Variants in CPNE5 observed in about 807,000 individuals in gnomAD.
CPNE5 encodes the protein copine 5.
A neutral mutation model predicts 81.1 loss-of-function variants in CPNE5; 42 were observed. The observed-to-expected ratio is 0.52, with a 90% CI of 0.40 to 0.67. The LOEUF (loss-of-function observed/expected upper bound fraction) is 0.67. CPNE5 is among the 30% of genes least tolerant of loss of function. CPNE5 has a pLI of 0.00. For missense variants in CPNE5, 612 were observed against 815.5 expected (o/e 0.75, Z 3.04); for synonymous variants, 313 against 321.5 (o/e 0.97, Z 0.28).
chr6:36,772,446 G>T (rs925812356), intron 10 of CPNE5, among the ~76,000 whole-genome samples: 1 of 152,196 alleles, frequency 6.6e-6, no homozygotes, highest in Non-Finnish European at 1.5e-5. Context: ...TTGTTTGACT[G>T]CAGCGCTAAG....
chr6:36,814,107 T>C (rs1262679430), intron 3 of CPNE5, among the ~76,000 whole-genome samples: 1 of 152,196 alleles, frequency 6.6e-6, no homozygotes, highest in African/African-American at 2.4e-5. Context: ...ACAAATGCAT[T>C]TGACTGTTAT....
chr6:36,743,063 A>G (rs1400352289), intron 20 of CPNE5: 21 of 985,076 alleles, frequency 2.1e-5, no homozygotes, highest in Non-Finnish European at 2.4e-5. Flanking sequence ...CCAGCCCCCT[A>G]TGTTTGGTCT....
intron 3 of CPNE5, among the ~76,000 whole-genome samples, chr6:36,806,261 T>C (rs570462799): frequency 2.0e-5 from 3 of 152,286 alleles, no homozygotes; most frequent in African/African-American, 4.8e-5. Context: ...TCCCTTTGAA[T>C]AGCATCACTA....
chr6:36,820,620 C>T (rs150103030), intron 3 of CPNE5, among the ~76,000 whole-genome samples: 162 of 152,074 alleles, frequency 1.1e-3, no homozygotes, highest in African/African-American at 3.5e-3. Flanking sequence ...AATCTCTGCC[C>T]TTGTGGAGCT....
At chr6:36,792,588 A>G in intron 7 of CPNE5, 2 of 434,822 alleles carry the variant, frequency 4.6e-6, no homozygotes, top group Non-Finnish European at 9.2e-6. Flanking sequence ...CCTCGCTGGC[A>G]GCTTGCCCAG....
intron 6 of CPNE5, among the ~76,000 whole-genome samples, chr6:36,796,863 C>T (rs143611829): frequency 3.5e-3 from 537 of 152,104 alleles, no homozygotes; most frequent in Non-Finnish European, 5.5e-3. Context: ...CTGGGGGTCA[C>T]GGGCAAGGAT....
intron 3 of CPNE5, among the ~76,000 whole-genome samples, chr6:36,810,372 G>T (rs990519676): frequency 2.0e-5 from 3 of 152,170 alleles, no homozygotes; most frequent in African/African-American, 7.2e-5. Flanking sequence ...ATTATTGATG[G>T]CTCCTTAATT....
chr6:36,823,139 G>T, intron 1 of CPNE5, 41 bp from the exon 2 acceptor site: 1 of 1,491,020 alleles, frequency 6.7e-7, no homozygotes, highest in South Asian at 1.4e-5. Flanking sequence ...ACGGCCAGCT[G>T]AGAGGAGGCG....
intron 17 of CPNE5, 37 bp downstream of exon 17, chr6:36,745,351 C>T (rs1410984426): frequency 6.3e-7 from 1 of 1,592,172 alleles, no homozygotes; most frequent in African/African-American, 1.3e-5. Context: ...AAACAGAGGC[C>T]TTGTGAGTGC....
chr6:36,793,965 G>T (rs1219805323), intron 7 of CPNE5, among the ~76,000 whole-genome samples: 1 of 152,222 alleles, frequency 6.6e-6, no homozygotes, highest in Non-Finnish European at 1.5e-5. Flanking sequence ...CCCCAACCGG[G>T]AAAGAAGGGG....
At chr6:36,786,926 A>T (rs139299743) in intron 8 of CPNE5, among the ~76,000 whole-genome samples, 64 of 151,152 alleles carry the variant, frequency 4.2e-4, no homozygotes, top group African/African-American at 1.5e-3. Context: ...TGAATATGTT[A>T]TTTTTTTTTA....
intron 6 of CPNE5, among the ~76,000 whole-genome samples, chr6:36,796,071 C>A (rs1467352194): frequency 6.6e-6 from 1 of 152,320 alleles, no homozygotes; most frequent in South Asian, 2.1e-4. Context: ...GCCTCAGCCT[C>A]CCTAGTAGCT....
chr6:36,807,124 T>C (rs1412168182), intron 3 of CPNE5, among the ~76,000 whole-genome samples: 2 of 152,198 alleles, frequency 1.3e-5, no homozygotes, highest in Non-Finnish European at 2.9e-5. Flanking sequence ...ACAGCCAAGG[T>C]TTATATCAGT....
Position 36,778,883 on chromosome 6 carries a change from C to A in CPNE5, c.603G>T (p.Leu201Phe). Residue 201 changes from leucine to phenylalanine, a missense_variant, in exon 9 of 21, where the codon TTG becomes TTT. Leu to Phe is a conservative substitution (Grantham distance 22). Transcript: ENST00000244751. ...CATCCTCGTTGCTTCTGTAGAATACCAAGAAGGGGTCAGATTTCCCAAAGA... is the reference window on the plus strand; with the variant it reads ...CATCCTCGTTGCTTCTGTAGAATACAAAGAAGGGGTCAGATTTCCCAAAGA... ...KDFFGKSDPF[L>F]VFYRSNEDGT... 6.2e-7 allele frequency: 1 copy of A among 1,606,302 alleles called. No individual in the cohort carries two copies. The highest frequency in any genetic ancestry group is 8.5e-7 in the Non-Finnish European group (1 of 1,173,422).
intron 9 of CPNE5, 38 bp downstream of exon 9, chr6:36,778,816 G>C (rs777897039): frequency 1.4e-5 from 20 of 1,388,152 alleles, no homozygotes; most frequent in African/African-American, 1.4e-4. Context: ...CAGAAGGGAC[G>C]AGAAGGTGCA....
At chr6:36,805,013 G>A (rs548621574) in intron 3 of CPNE5, among the ~76,000 whole-genome samples, 1 of 152,014 alleles carries the variant, frequency 6.6e-6, no homozygotes, top group African/African-American at 2.4e-5. Context: ...TAACAAAGGG[G>A]AAAAATGCTA....
intron 1 of CPNE5, among the ~76,000 whole-genome samples, chr6:36,838,465 C>G (rs968530797): frequency 1.3e-5 from 2 of 152,190 alleles, no homozygotes; most frequent in African/African-American, 4.8e-5. Flanking sequence ...GGCAGCCTTC[C>G]CCTAGCTAGG....
At position 36,746,052 on chromosome 6, in the gene CPNE5, G is replaced by T; in HGVS notation, c.1200+344C>A. On this transcript the variant is annotated intron_variant, in intron 16 of 20. Transcript: ENST00000244751. The surrounding 1 kb of genome is among the most constrained non-coding windows in gnomAD (Gnocchi z 4.5). ...TGGAGATCCACGTCATCCCATCTCA[G>T]CACTGACTCAGGGATACCCAACCCA... is the stretch of plus-strand genomic sequence containing the variant. The T allele has an allele frequency of 2.3e-6, 1 of 440,310 alleles. No individual in the cohort carries two copies. Among genetic ancestry groups the T allele is most frequent in the Non-Finnish European group, 3.0e-6 (1 of 331,800 alleles). The allele number at this position is 440,310 out of a possible 1,614,324, so 27.3% of individuals were successfully genotyped here.
At chr6:36,797,939 C>G (rs1186910204) in intron 6 of CPNE5, among the ~76,000 whole-genome samples, 1 of 152,122 alleles carries the variant, frequency 6.6e-6, no homozygotes, top group Non-Finnish European at 1.5e-5. Flanking sequence ...CTATTTCCTC[C>G]TGGGCCTTCC....
Sources: gnomAD v4.1 joint callset for allele counts (sites outside exome capture counted in the v4.1 genomes callset) on GRCh38, gnomAD v4.1.1 for gene constraint, Gnocchi (gnomAD v3.1) non-coding constraint, MANE v1.5 for transcripts, NCBI Gene and HGNC (gene_info 2026-07-23, HGNC 2026-07-21) for gene names.